XRN2: variants seen among roughly 807,000 people sequenced by gnomAD.
XRN2 encodes the protein 5'-3' exoribonuclease 2.
A neutral mutation model predicts 138.5 loss-of-function variants in XRN2; 44 were observed. The ratio of observed to expected loss-of-function variants is 0.32; its 90% CI spans 0.25 to 0.41. XRN2 has a LOEUF of 0.41. XRN2 is among the 10% of genes least tolerant of loss of function. XRN2 has a pLI of 1.00. For synonymous variants in XRN2, 354 were observed against 369.4 expected (o/e 0.96, Z 0.48); for missense variants, 937 against 1,169.3 (o/e 0.80, Z 2.90).
At chr20:21,311,823 A>G (rs1376305874) in intron 1 of XRN2, among the ~76,000 whole-genome samples, 1 of 152,036 alleles carries the variant, frequency 6.6e-6, no homozygotes, top group Non-Finnish European at 1.5e-5. Flanking sequence ...CCTCGTCTCT[A>G]CTAAAAAAGT....
intron 1 of XRN2, among the ~76,000 whole-genome samples, chr20:21,320,921 T>C (rs2038032638): frequency 6.6e-6 from 1 of 152,218 alleles, no homozygotes; most frequent in African/African-American, 2.4e-5. Flanking sequence ...ATCCCGAGTT[T>C]TCTTCTGCAA....
intron 27 of XRN2, among the ~76,000 whole-genome samples, chr20:21,372,265 C>CA (rs950688542): frequency 1.1e-4 from 17 of 152,006 alleles, no homozygotes; most frequent in African/African-American, 4.1e-4. Flanking sequence ...AGTTTATGGA[C>CA]AAAAAATTGG....
intron 29 of XRN2, among the ~76,000 whole-genome samples, chr20:21,388,082 C>T (rs2038953896): frequency 1.3e-5 from 2 of 152,336 alleles, no homozygotes; most frequent in African/African-American, 2.4e-5. Context: ...GGCACTAGGC[C>T]GTTTCAGTGA....
chr20:21,375,307 A>G (rs964169613), intron 27 of XRN2, among the ~76,000 whole-genome samples: 6 of 145,260 alleles, frequency 4.1e-5, no homozygotes, highest in Non-Finnish European at 6.1e-5. Context: ...TTTGTTTTCT[A>G]TTGATTTCTG....
intron 1 of XRN2, among the ~76,000 whole-genome samples, chr20:21,314,752 T>C (rs944927245): frequency 7.2e-5 from 11 of 152,094 alleles, no homozygotes; most frequent in African/African-American, 2.7e-4. Context: ...CCACCAGTAG[T>C]GTATGAGGGT....
At position 21,368,339 on chromosome 20, in the gene XRN2, T is replaced by C. The variant is rs2038725420; in HGVS notation, c.2457-124T>C. 3 of 1,185,278 alleles carry C rather than the reference T, an allele frequency of 2.5e-6. No homozygotes were observed. In the Admixed American group the frequency reaches 8.5e-5, roughly 34 times the overall value. The allele number at this position is 1,185,278 out of a possible 1,614,324, so 73.4% of individuals were successfully genotyped here. A position where few individuals can be genotyped will look rare whatever the true frequency, so the allele number is the denominator to read the frequency against. On this transcript the variant is annotated intron_variant, in intron 26 of 29. Transcript: ENST00000377191. ...TAATTATAAACCACCTTTTTGTTTG[T>C]ATTATCTTAATCAGATCTGTTAGTG...
chr20:21,380,413 A>G (rs183540701), intron 27 of XRN2, among the ~76,000 whole-genome samples: 2 of 152,236 alleles, frequency 1.3e-5, no homozygotes, highest in Non-Finnish European at 2.9e-5. Flanking sequence ...TCCCATAGAA[A>G]TAAACCATAC....
intron 1 of XRN2, among the ~76,000 whole-genome samples, chr20:21,315,311 C>T (rs185025088): frequency 6.6e-6 from 1 of 152,322 alleles, no homozygotes; most frequent in Non-Finnish European, 1.5e-5. Context: ...AAGAACTATG[C>T]CACACTTGCC....
At chr20:21,341,161 C>T (rs2038367395) in intron 15 of XRN2, among the ~76,000 whole-genome samples, 1 of 152,150 alleles carries the variant, frequency 6.6e-6, no homozygotes, top group South Asian at 2.1e-4. Flanking sequence ...TTTTGTAATG[C>T]AGATGAACCA....
chr20:21,366,069 T>C (rs1288727596), intron 26 of XRN2, among the ~76,000 whole-genome samples: 2 of 116,656 alleles, frequency 1.7e-5, no homozygotes, highest in Non-Finnish European at 3.4e-5. Flanking sequence ...TATATAAATA[T>C]ATATTATATT....
chr20:21,318,548 A>G (rs905598405), intron 1 of XRN2, among the ~76,000 whole-genome samples: 4 of 152,068 alleles, frequency 2.6e-5, no homozygotes, highest in African/African-American at 9.7e-5. Context: ...TTCAGAGCCA[A>G]ATACTTCTGA....
At chr20:21,365,128 C>T (rs1277664626) in intron 24 of XRN2, among the ~76,000 whole-genome samples, 2 of 152,094 alleles carry the variant, frequency 1.3e-5, no homozygotes, top group African/African-American at 2.4e-5. Context: ...TAAACCTCTT[C>T]GACCTGTCTA....
At chr20:21,363,441 A>G (rs2038660174) in intron 24 of XRN2, among the ~76,000 whole-genome samples, 1 of 152,234 alleles carries the variant, frequency 6.6e-6, no homozygotes, top group East Asian at 1.9e-4. Flanking sequence ...GAGCACAAAT[A>G]CTTAACTACC....
At chr20:21,330,895 T>C (rs1005479405) in intron 6 of XRN2, among the ~76,000 whole-genome samples, 190 bp downstream of exon 6, 167 of 152,154 alleles carry the variant, frequency 1.1e-3, no homozygotes, top group Non-Finnish European at 7.4e-5. Context: ...ATAGCTGAAT[T>C]TTCTCTTAAA....
At chr20:21,368,800 T>A (rs759489294) in intron 27 of XRN2, among the ~76,000 whole-genome samples, 20 of 152,194 alleles carry the variant, frequency 1.3e-4, no homozygotes, top group Non-Finnish European at 2.9e-4. Context: ...ATTGTAGCTG[T>A]ATATATTTAT....
chr20:21,362,316 TG>T (rs1429642378), intron 24 of XRN2, among the ~76,000 whole-genome samples: 1 of 152,216 alleles, frequency 6.6e-6, no homozygotes, highest in Non-Finnish European at 1.5e-5. Flanking sequence ...CCTGCAGAAG[TG>T]GTTATCTCTG....
At chr20:21,361,806 C>A (rs1188736820) in intron 24 of XRN2, among the ~76,000 whole-genome samples, 1 of 152,300 alleles carries the variant, frequency 6.6e-6, no homozygotes, top group South Asian at 2.1e-4. Context: ...TTGTTTGAAT[C>A]TGAGTTATGG....
At chr20:21,347,750 A>G (rs1157345310) in intron 17 of XRN2, among the ~76,000 whole-genome samples, 1 of 152,210 alleles carries the variant, frequency 6.6e-6, no homozygotes, top group African/African-American at 2.4e-5. Flanking sequence ...GTCTCTAACC[A>G]CCTTACATGC....
At chr20:21,366,127 TTATA>T (rs1296417726) in intron 26 of XRN2, among the ~76,000 whole-genome samples, 1 of 97,702 alleles carries the variant, frequency 1.0e-5, no homozygotes, top group Non-Finnish European at 1.9e-5. Context: ...TATTTATAGT[TTATA>T]TATATAACAT....
Sources: allele counts gnomAD v4.1 joint callset (sites outside exome capture counted in the v4.1 genomes callset), GRCh38; gene constraint gnomAD v4.1.1; transcripts MANE v1.5; gene names NCBI Gene and HGNC (gene_info 2026-07-23, HGNC 2026-07-21).